The following ZDHHC6 variants were observed in gnomAD, a reference collection of about 807,000 sequenced individuals.
ZDHHC6 encodes the protein palmitoyltransferase ZDHHC6.
Under a neutral mutation model 57.8 loss-of-function variants are expected in ZDHHC6, and 32 were observed. That is an observed-to-expected ratio of 0.55 (90% confidence interval 0.42 to 0.74). The LOEUF (loss-of-function observed/expected upper bound fraction) is 0.74. Ranked by LOEUF, ZDHHC6 falls within the 30% of genes least tolerant of loss-of-function variation. The pLI is 0.00. For missense variants in ZDHHC6, 433 were observed against 500.7 expected (o/e 0.86, Z 1.29); for synonymous variants, 128 against 158.0 (o/e 0.81, Z 1.42).
intron 3 of ZDHHC6, 81 bp downstream of exon 3, chr10:112,443,434 G>T: frequency 1.7e-6 from 2 of 1,188,644 alleles, no homozygotes; most frequent in Non-Finnish European, 2.5e-6. Flanking sequence ...AATAGAAGTA[G>T]CACTAATGTA....
chr10:112,434,585 G>A, intron 6 of ZDHHC6, 121 bp from the exon 7 acceptor site: 1 of 1,005,886 alleles, frequency 9.9e-7, no homozygotes, highest in Non-Finnish European at 1.4e-6. Context: ...CCTCCTTGCT[G>A]TAATATTAGT....
chr10:112,432,789 G>A (rs1845166299), intron 8 of ZDHHC6, among the ~76,000 whole-genome samples: 1 of 152,186 alleles, frequency 6.6e-6, no homozygotes, highest in African/African-American at 2.4e-5. Context: ...CTGCCATGAT[G>A]GAAATGTTCT....
At chr10:112,446,967 C>A (rs894983032), upstream of ZDHHC6, 20 of 235,940 alleles carry the variant, frequency 8.5e-5, 1 homozygote, top group African/African-American at 4.4e-4. Flanking sequence ...GGAGGTTCGC[C>A]GCCTCAAACC....
At chr10:112,425,194 C>G in exon 12 of ZDHHC6, 1 of 682,040 alleles carries the variant, frequency 1.5e-6, no homozygotes. Context: ...TTCACCAAAG[C>G]CAAGAAAGAG....
chr10:112,439,669 A>AAAAAAAAAAAAAT lies in ZDHHC6; in HGVS notation c.681+864_681+865insATTTTTTTTTTTT, dbSNP rs757796332. 1.6e-4 allele frequency among the ~76,000 whole-genome samples: 17 copies of AAAAAAAAAAAAAT among 108,612 alleles called. 1 individual carries two copies. The highest frequency in any genetic ancestry group is 2.2e-4 in the Non-Finnish European group (12 of 54,128). The allele number at this position is 108,612 out of a possible 152,430, so 71.3% of individuals were successfully genotyped here. On this transcript the variant is annotated intron_variant, in intron 5 of 10. Coordinates refer to ENST00000369405, the MANE Select transcript of ZDHHC6 (RefSeq NM_022494.3). ...AAAAAAAAAAAAAAAAAAAAAAAAA[A>AAAAAAAAAAAAAT]GAATGAAAAAGAATGGTTTTTGGTC...
intron 4 of ZDHHC6, 132 bp downstream of exon 4, chr10:112,442,060 G>T: frequency 9.0e-7 from 1 of 1,116,146 alleles, no homozygotes; most frequent in Non-Finnish European, 1.2e-6. Context: ...CCATATACCA[G>T]TAAAACAAAG....
At chr10:112,439,825 A>C (rs1426829159) in intron 5 of ZDHHC6, among the ~76,000 whole-genome samples, 1 of 151,854 alleles carries the variant, frequency 6.6e-6, no homozygotes, top group African/African-American at 2.4e-5. Flanking sequence ...CTACCTCTTC[A>C]TTATCATTTA....
At chr10:112,447,487 G>T (rs150308732), upstream of ZDHHC6, 9,961 of 1,611,436 alleles carry the variant, frequency 6.2e-3, 31 homozygotes, top group Non-Finnish European at 7.7e-3. Flanking sequence ...TTGCCCGGCT[G>T]GACGAGGGTG....
At chr10:112,443,066 G>C (rs1220346186) in intron 3 of ZDHHC6, among the ~76,000 whole-genome samples, 1 of 152,090 alleles carries the variant, frequency 6.6e-6, no homozygotes, top group Non-Finnish European at 1.5e-5. Flanking sequence ...TAAAACATTT[G>C]TGATAATAGG....
Position 112,434,423 on chromosome 10 carries a change from A to G in ZDHHC6, c.777T>C (p.Phe259=), listed in dbSNP as rs764579450. The change falls in exon 7 of 11, where the codon TTT becomes TTC. Residue 259 remains phenylalanine (F), a synonymous_variant. Transcript: ENST00000369405. ...TACTTCCCATATCATATGGAAAAAC[A>G]AAGACTTCATCTAGTTGATAATACT... ...RIQYYQLDEV[F]VFPYDMGSRW... 1 of 1,613,986 alleles carries G rather than the reference A, an allele frequency of 6.2e-7. No homozygotes were observed. The highest frequency in any genetic ancestry group is 8.5e-7 in the Non-Finnish European group (1 of 1,179,878).
At chr10:112,447,421 T>C (rs1227786480), upstream of ZDHHC6, 1 of 1,613,662 alleles carries the variant, frequency 6.2e-7, no homozygotes, top group Admixed American at 1.7e-5. Context: ...CGGTGCTCAC[T>C]GCAGAGATCA....
downstream of ZDHHC6, chr10:112,426,230 C>T (rs781403178): frequency 4.4e-6 from 7 of 1,581,956 alleles, no homozygotes; most frequent in Middle Eastern, 1.7e-4. Flanking sequence ...TCTCTCATGC[C>T]CTTGCACCTT....
chr10:112,426,110 T>A, downstream of ZDHHC6: 1 of 598,840 alleles, frequency 1.7e-6, no homozygotes, highest in Non-Finnish European at 2.9e-6. Flanking sequence ...GTGTTGAAAA[T>A]ATATGGTGAG....
At chr10:112,445,907 G>C (rs1195320765) in intron 1 of ZDHHC6, among the ~76,000 whole-genome samples, 1 of 152,158 alleles carries the variant, frequency 6.6e-6, no homozygotes, top group Non-Finnish European at 1.5e-5. Context: ...GCTTGTCAGG[G>C]GACTGTCACC....
At chr10:112,444,388 G>A (rs1431762411) in intron 2 of ZDHHC6, among the ~76,000 whole-genome samples, 1 of 152,114 alleles carries the variant, frequency 6.6e-6, no homozygotes, top group African/African-American at 2.4e-5. Flanking sequence ...CACCCATCAC[G>A]TTCTACTTTA....
At position 112,433,288 on chromosome 10, in the gene ZDHHC6, G is replaced by T; in HGVS notation, c.904-7C>A. 1 of 1,559,602 alleles carries T rather than the reference G, an allele frequency of 6.4e-7. No individual in the cohort carries two copies. ...TTTGTTTCAACTGTTCTATCTGTTTGGAAGAAATAAAAAGAAAAAAATGAA... is the reference window on the plus strand; with the variant it reads ...TTTGTTTCAACTGTTCTATCTGTTTTGAAGAAATAAAAAGAAAAAAATGAA... On this transcript the variant is annotated splice_region_variant and splice_polypyrimidine_tract_variant and intron_variant, in intron 7 of 10. Coordinates refer to ENST00000369405, the MANE Select transcript of ZDHHC6 (RefSeq NM_022494.3).
intron 6 of ZDHHC6, among the ~76,000 whole-genome samples, chr10:112,438,054 A>G (rs1442394170): frequency 6.6e-6 from 1 of 152,232 alleles, no homozygotes; most frequent in African/African-American, 2.4e-5. Context: ...TCTAAGAGAC[A>G]ACAAACAGAT....
chr10:112,432,026 T>C (rs1339166597), intron 10 of ZDHHC6, among the ~76,000 whole-genome samples: 6 of 152,248 alleles, frequency 3.9e-5, no homozygotes, highest in Non-Finnish European at 8.8e-5. Context: ...CGCATAGTTA[T>C]GAGCTCAAAT....
intron 5 of ZDHHC6, 113 bp downstream of exon 5, chr10:112,440,421 G>A (rs1845990594): frequency 3.3e-6 from 4 of 1,201,172 alleles, no homozygotes; most frequent in Non-Finnish European, 4.5e-6. Flanking sequence ...AATGAAATAA[G>A]CAAAAATAAT....
Sources: allele counts gnomAD v4.1 joint callset (sites outside exome capture counted in the v4.1 genomes callset), GRCh38; gene constraint gnomAD v4.1.1; transcripts MANE v1.5; gene names NCBI Gene and HGNC (gene_info 2026-07-23, HGNC 2026-07-21).